Variants in CBLN2 observed in about 807,000 individuals in gnomAD.
The protein encoded by CBLN2 is cerebellin-2.
Under a neutral mutation model 15.0 loss-of-function variants are expected in CBLN2, and 7 were observed. That is an observed-to-expected ratio of 0.47 (90% confidence interval 0.27 to 0.88). The LOEUF is 0.88. Ranked by LOEUF, CBLN2 falls within the 40% of genes least tolerant of loss-of-function variation. The probability of loss-of-function intolerance (pLI) is 0.14; values close to 1 mark genes in which losing one functional copy is unlikely to be tolerated. For missense variants in CBLN2, 242 were observed against 304.5 expected (o/e 0.79, Z 1.53); for synonymous variants, 149 against 135.2 (o/e 1.10, Z -0.71).
intron 1 of CBLN2, among the ~76,000 whole-genome samples, chr18:72,610,530 A>T (rs962836265): frequency 6.6e-6 from 1 of 152,174 alleles, no homozygotes; most frequent in Non-Finnish European, 1.5e-5. Context: ...ATTGGAATGT[A>T]CACTACATGA....
chr18:72,605,661 G>A (rs1261995633), intron 1 of CBLN2, among the ~76,000 whole-genome samples: 1 of 152,144 alleles, frequency 6.6e-6, no homozygotes, highest in Admixed American at 6.5e-5. Flanking sequence ...ATTTATGTCT[G>A]GGGCTACTTC....
chr18:72,638,493 A>G (rs2144987848), exon 1 of CBLN2: 4 of 395,848 alleles, frequency 1.0e-5, no homozygotes, highest in Non-Finnish European at 1.8e-5. Flanking sequence ...GTCCTGTTGT[A>G]CACTCTTAGA....
chr18:72,611,156 G>A (rs2069619695), intron 1 of CBLN2, among the ~76,000 whole-genome samples: 1 of 152,138 alleles, frequency 6.6e-6, no homozygotes, highest in African/African-American at 2.4e-5. Flanking sequence ...GGATATGTAG[G>A]TTGATTCCAC....
At chr18:72,592,866 C>G (rs2069488983) in intron 1 of CBLN2, among the ~76,000 whole-genome samples, 1 of 152,010 alleles carries the variant, frequency 6.6e-6, no homozygotes, top group South Asian at 2.1e-4. Context: ...TTTTATACCA[C>G]TACCGTGTTG....
At chr18:72,572,435 A>T (rs1368834271) in intron 1 of CBLN2, among the ~76,000 whole-genome samples, 1 of 152,208 alleles carries the variant, frequency 6.6e-6, no homozygotes, top group Non-Finnish European at 1.5e-5. Flanking sequence ...AATTTAAAAT[A>T]ATTTAGAATT....
rs2144870546 is a variant in CBLN2 at position 72,543,604 on chromosome 18, G to A, written c.-211-74C>T. 5.1e-6 allele frequency: 2 copies of A among 394,532 alleles called. No individual in the cohort carries two copies. Among genetic ancestry groups the A allele is most frequent in the East Asian group, 3.6e-5 (1 of 27,822 alleles). 24.4% of individuals were successfully genotyped at this position (394,532 alleles called of 1,614,324 possible). A position where few individuals can be genotyped will look rare whatever the true frequency, so the allele number is the denominator to read the frequency against. Reference sequence around the variant, plus strand: ...GAGCGCGACCCTGCTCCCAGCGCGTGGCCAATAACCGCGCCGCCCCGCCCT... The same window carrying A: ...GAGCGCGACCCTGCTCCCAGCGCGTAGCCAATAACCGCGCCGCCCCGCCCT... On this transcript the variant is annotated intron_variant, in intron 1 of 4. Coordinates refer to ENST00000269503, the MANE Select transcript of CBLN2 (RefSeq NM_182511.4). The surrounding 1 kb of genome is among the most constrained non-coding windows in gnomAD (Gnocchi z 6.8).
intron 1 of CBLN2, among the ~76,000 whole-genome samples, chr18:72,573,219 G>A (rs899573929): frequency 6.6e-6 from 1 of 152,184 alleles, no homozygotes; most frequent in Non-Finnish European, 1.5e-5. Flanking sequence ...GGAGACAGAC[G>A]CAAGTTTTGT....
intron 1 of CBLN2, among the ~76,000 whole-genome samples, chr18:72,602,031 C>A (rs1339385435): frequency 2.6e-5 from 4 of 152,194 alleles, no homozygotes; most frequent in Non-Finnish European, 5.9e-5. Flanking sequence ...TGTGGCCCTG[C>A]TCTAGCCCCT....
rs562557227 is a variant in CBLN2, at chr18:72,562,561, C to T, written c.16-23789G>A. Among the ~76,000 whole-genome samples, 19 of 152,202 alleles carry T rather than the reference C, an allele frequency of 1.2e-4. No individual in the cohort carries two copies. The East Asian group carries it at 2.5e-3, about 20-fold the overall frequency. Reference sequence around the variant, plus strand: ...ACCTAATTTGACTGATGTGGTTAGACGAGTCTCCTTGACTAGCTTTGGTAT... The same window carrying T: ...ACCTAATTTGACTGATGTGGTTAGATGAGTCTCCTTGACTAGCTTTGGTAT... On this transcript the variant is annotated intron_variant, in intron 1 of 2. Transcript: ENST00000581073.
chr18:72,569,601 G>T (rs1214737581), intron 1 of CBLN2, among the ~76,000 whole-genome samples: 1 of 152,152 alleles, frequency 6.6e-6, no homozygotes, highest in East Asian at 1.9e-4. Context: ...TTCTGGGGAG[G>T]CCTCAGGAAA....
At chr18:72,637,875 C>G (rs1338255741) in intron 1 of CBLN2, among the ~76,000 whole-genome samples, 1 of 152,100 alleles carries the variant, frequency 6.6e-6, no homozygotes, top group Admixed American at 6.6e-5. Flanking sequence ...ATCAACGGGG[C>G]AAGGAGGCAG....
intron 1 of CBLN2, among the ~76,000 whole-genome samples, chr18:72,578,026 G>A (rs1311097586): frequency 3.3e-5 from 5 of 152,108 alleles, no homozygotes; most frequent in Non-Finnish European, 7.4e-5. Context: ...GGGGTTGCTA[G>A]GTCAGCTCTG....
At chr18:72,622,502 T>C (rs945149126) in intron 1 of CBLN2, among the ~76,000 whole-genome samples, 15 of 152,100 alleles carry the variant, frequency 9.9e-5, no homozygotes, top group Non-Finnish European at 2.1e-4. Flanking sequence ...AATCAGGATA[T>C]TTTGAAAACT....
chr18:72,582,516 C>CGAGA (rs1391352990), intron 1 of CBLN2, among the ~76,000 whole-genome samples: 21 of 152,122 alleles, frequency 1.4e-4, no homozygotes, highest in African/African-American at 4.8e-4. Flanking sequence ...TGATATGAGG[C>CGAGA]GAGAGATGTG....
intron 1 of CBLN2, among the ~76,000 whole-genome samples, chr18:72,549,674 C>CTT (rs1183624035): frequency 2.0e-5 from 3 of 152,140 alleles, no homozygotes; most frequent in African/African-American, 7.2e-5. Context: ...AAATGTTATA[C>CTT]TTTTTTTCAC....
intron 1 of CBLN2, among the ~76,000 whole-genome samples, chr18:72,563,669 A>G (rs2069275864): frequency 6.6e-6 from 1 of 152,216 alleles, no homozygotes; most frequent in Admixed American, 6.5e-5. Context: ...TCAATAGGCC[A>G]TTCACATGCT....
intron 1 of CBLN2, among the ~76,000 whole-genome samples, chr18:72,595,769 A>G (rs2144936119): frequency 6.6e-6 from 1 of 152,282 alleles, no homozygotes; most frequent in South Asian, 2.1e-4. Flanking sequence ...TTATTGTTAC[A>G]TAATGACCTT....
chr18:72,634,619 T>C (rs1483806993), intron 1 of CBLN2, among the ~76,000 whole-genome samples: 1 of 152,190 alleles, frequency 6.6e-6, no homozygotes, highest in Non-Finnish European at 1.5e-5. Context: ...GTGGTATTAA[T>C]ATTAAAAATT....
intron 1 of CBLN2, among the ~76,000 whole-genome samples, chr18:72,627,760 TC>T (rs1299051181): frequency 2.0e-5 from 3 of 152,252 alleles, no homozygotes; most frequent in Non-Finnish European, 4.4e-5. Flanking sequence ...TCAGAGCCTT[TC>T]TAAAATTTTA....
Sources: gnomAD v4.1 joint callset for allele counts (sites outside exome capture counted in the v4.1 genomes callset) on GRCh38, gnomAD v4.1.1 for gene constraint, Gnocchi (gnomAD v3.1) non-coding constraint, MANE v1.5 for transcripts, NCBI Gene and HGNC (gene_info 2026-07-23, HGNC 2026-07-21) for gene names.